The following ASPSCR1 variants were observed in gnomAD, a reference collection of about 807,000 sequenced individuals.
ASPSCR1 encodes the protein ASPSCR1 tether for SLC2A4, UBX domain containing, also known as tether containing UBX domain for GLUT4.
In ASPSCR1, 55 loss-of-function variants were observed where a neutral mutation model predicts 68.9. The ratio of observed to expected loss-of-function variants is 0.80; its 90% CI spans 0.64 to 1.00. The LOEUF (loss-of-function observed/expected upper bound fraction) is 1.00. ASPSCR1 is among the 50% of genes least tolerant of loss of function. The probability of loss-of-function intolerance (pLI) is 0.00; values close to 1 mark genes in which losing one functional copy is unlikely to be tolerated. For missense variants in ASPSCR1, 765 were observed against 762.2 expected (o/e 1.00, Z -0.04); for synonymous variants, 352 against 332.6 (o/e 1.06, Z -0.63).
intron 9 of ASPSCR1, chr17:82,010,087 GTT>G (rs372050513): frequency 1.7e-3 from 458 of 265,208 alleles, no homozygotes; most frequent in East Asian, 2.9e-3. Context: ...AATTTTTGTT[GTT>G]TTTTTTTTTT....
chr17:82,011,671 C>T (rs2042952023), intron 11 of ASPSCR1, 66 bp downstream of exon 11: 6 of 1,537,114 alleles, frequency 3.9e-6, no homozygotes, highest in Middle Eastern at 1.7e-4. Context: ...GTGGGCACAC[C>T]GCCCGTCCCA....
At chr17:82,008,144 G>C (rs2042784850) in intron 7 of ASPSCR1, 2 of 152,732 alleles carry the variant, frequency 1.3e-5, no homozygotes, top group Non-Finnish European at 1.5e-5. Context: ...ACCTCTGGCA[G>C]GCGCACCCTG....
intron 5 of ASPSCR1, 183 bp downstream of exon 5, chr17:81,995,061 C>T (rs1320419345): frequency 3.4e-6 from 2 of 590,880 alleles, no homozygotes. Flanking sequence ...TGCCCCGAAA[C>T]CTCCCTCGGC....
chr17:82,003,022 C>T (rs1392110176), intron 7 of ASPSCR1, among the ~76,000 whole-genome samples: 1 of 151,850 alleles, frequency 6.6e-6, no homozygotes, highest in Non-Finnish European at 1.5e-5. Flanking sequence ...TTACAGGTGC[C>T]CGTTTAGTAG....
Position 81,977,659 on chromosome 17 carries a change from G to A in ASPSCR1, c.13G>A (p.Ala5Thr), listed in dbSNP as rs1023688678. ...ACGTGAGCGGAAAATGGCGGCCCCGGCAGGCGGCGGAGGCTCCGCGGTGTC... is the reference window on the plus strand; with the variant it reads ...ACGTGAGCGGAAAATGGCGGCCCCGACAGGCGGCGGAGGCTCCGCGGTGTC... Reference protein sequence around the residue: MAAPAGGGGSAVSVL... With the variant: MAAPTGGGGSAVSVL... The change falls in exon 1 of 16, where the codon GCA (alanine) becomes ACA (threonine). Residue 5 changes from alanine (A) to threonine (T), a missense_variant. Transcript: ENST00000306739. The surrounding 1 kb of genome is among the most constrained non-coding windows in gnomAD (Gnocchi z 5.0). 2 of 1,396,656 alleles carry A rather than the reference G, an allele frequency of 1.4e-6. No individual in the cohort carries two copies. The highest frequency in any genetic ancestry group is 1.4e-5 in the South Asian group (1 of 69,020). 86.5% of individuals were successfully genotyped at this position (1,396,656 alleles called of 1,614,324 possible).
At chr17:82,012,207 C>A in intron 11 of ASPSCR1, 24 bp from the exon 12 acceptor site, 1 of 1,611,582 alleles carries the variant, frequency 6.2e-7, no homozygotes. Flanking sequence ...TGCTTCCTAA[C>A]ACGTAGGTGC....
In ASPSCR1 at chr17:81,977,942, C is replaced by A; in HGVS notation, c.102+194C>A. The A allele has an allele frequency of 3.0e-6, 1 of 337,028 alleles. No individual in the cohort carries two copies. Among genetic ancestry groups the A allele is most frequent in the Non-Finnish European group, 5.2e-6 (1 of 193,432 alleles). The allele number at this position is 337,028 out of a possible 1,614,324, so 20.9% of individuals were successfully genotyped here. A position where few individuals can be genotyped will look rare whatever the true frequency, so the allele number is the denominator to read the frequency against. ...TGGGGTCCCGGGGGTCCCGGGGGTC[C>A]CGAGTGGGGGCGGGGCGGTGGCGAG... On this transcript the variant is annotated intron_variant, in intron 1 of 15. Coordinates refer to ENST00000306739, the MANE Select transcript of ASPSCR1 (RefSeq NM_024083.4). The surrounding 1 kb of genome is among the most constrained non-coding windows in gnomAD (Gnocchi z 5.0).
chr17:82,000,656 G>A (rs7221618), intron 7 of ASPSCR1, among the ~76,000 whole-genome samples: 151,565 of 152,362 alleles, frequency 0.99, 75,387 homozygotes, highest in East Asian at 1. Context: ...GAGTCAGAAG[G>A]AAGAGACAGG....
At chr17:82,003,874 A>G (rs2042618456) in intron 7 of ASPSCR1, among the ~76,000 whole-genome samples, 1 of 152,040 alleles carries the variant, frequency 6.6e-6, no homozygotes, top group Admixed American at 6.5e-5. Context: ...GTAACTCGGG[A>G]GGTTTGGCCC....
At chr17:82,012,062 C>T in intron 11 of ASPSCR1, 169 bp from the exon 12 acceptor site, 1 of 849,658 alleles carries the variant, frequency 1.2e-6, no homozygotes, top group Non-Finnish European at 1.9e-6. Context: ...CCCTTCCGAG[C>T]CCTCAGCTGG....
At chr17:82,001,896 C>G (rs1291948185) in intron 7 of ASPSCR1, among the ~76,000 whole-genome samples, 1 of 152,158 alleles carries the variant, frequency 6.6e-6, no homozygotes, top group Admixed American at 6.5e-5. Context: ...GTGACACACG[C>G]CTGCCACACC....
At chr17:82,011,462 G>T in intron 10 of ASPSCR1, 81 bp from the exon 11 acceptor site, 1 of 1,328,442 alleles carries the variant, frequency 7.5e-7, no homozygotes, top group Non-Finnish European at 1.0e-6. Context: ...CAGGAGGGTG[G>T]GAGCAGTGGC....
At chr17:82,016,288 GC>G (rs2043122776) in intron 12 of ASPSCR1, 187 bp from the exon 13 acceptor site, 6 of 593,544 alleles carry the variant, frequency 1.0e-5, no homozygotes, top group Non-Finnish European at 1.2e-5. Flanking sequence ...GTCCCAGGAC[GC>G]CCTGGCCTTG....
intron 7 of ASPSCR1, chr17:82,006,261 G>T (rs1337757556): frequency 6.6e-6 from 1 of 151,602 alleles, no homozygotes; most frequent in African/African-American, 2.4e-5. Context: ...TGCTTGGGGG[G>T]CGTGTGCGTG....
chr17:81,984,618 T>C (rs2041904059), intron 3 of ASPSCR1, among the ~76,000 whole-genome samples: 1 of 151,250 alleles, frequency 6.6e-6, no homozygotes, highest in South Asian at 2.1e-4. Context: ...TACCATCTCA[T>C]GTGGCTTCTG....
chr17:81,988,573 G>C (rs1026239665), intron 4 of ASPSCR1, among the ~76,000 whole-genome samples: 1 of 152,230 alleles, frequency 6.6e-6, no homozygotes, highest in African/African-American at 2.4e-5. Context: ...GCCCTGGTCT[G>C]TGTGGCAGTG....
rs1567959507 is a variant in ASPSCR1, at chr17:81,986,523, C to T, written c.374+916C>T. On this transcript the variant is annotated intron_variant, in intron 4 of 15. Transcript: ENST00000306739. The surrounding 1 kb of genome is among the most constrained non-coding windows in gnomAD (Gnocchi z 5.2). ...GTTCCTGAATGTGTAAAAATTGGTGCTTTGTCAATTTGGGTCTTTTCATCG... is the reference window on the plus strand; with the variant it reads ...GTTCCTGAATGTGTAAAAATTGGTGTTTTGTCAATTTGGGTCTTTTCATCG... Among the ~76,000 whole-genome samples the T allele has an allele frequency of 6.6e-6, 1 of 152,210 alleles. No homozygotes were observed. Among genetic ancestry groups the T allele is most frequent in the East Asian group, 1.9e-4 (1 of 5,204 alleles).
At chr17:82,016,399 C>T (rs1375481173) in intron 12 of ASPSCR1, 77 bp from the exon 13 acceptor site, 3 of 1,359,014 alleles carry the variant, frequency 2.2e-6, no homozygotes, top group African/African-American at 1.4e-5. Context: ...GGGCCTGGCC[C>T]TGGGGGTGTA....
At position 82,002,267 on chromosome 17, in the gene ASPSCR1, A is replaced by AT. The variant is rs556054178; in HGVS notation, c.933+5424dup. On this transcript the variant is annotated intron_variant, in intron 7 of 15. Transcript: ENST00000306739. The stretch of plus-strand genomic sequence containing the variant: ...TTTCATTTTCATTTTATTTTATTTT[A>AT]TTTATTTTTTTGAGACAGTCTCGCG... Among the ~76,000 whole-genome samples, 814 of 147,464 alleles carry AT rather than the reference A, an allele frequency of 5.5e-3. 7 individuals are homozygous for AT. The highest frequency in any genetic ancestry group is 8.6e-3 in the Non-Finnish European group (571 of 66,650).
Sources: gnomAD v4.1 joint callset for allele counts (sites outside exome capture counted in the v4.1 genomes callset) on GRCh38, gnomAD v4.1.1 for gene constraint, Gnocchi (gnomAD v3.1) non-coding constraint, MANE v1.5 for transcripts, NCBI Gene and HGNC (gene_info 2026-07-23, HGNC 2026-07-21) for gene names.